The following PTDSS2 variants were observed in gnomAD, a reference collection of about 807,000 sequenced individuals.
PTDSS2 encodes PSS-2.
In PTDSS2, 41 loss-of-function variants were observed where a neutral mutation model predicts 64.7. The observed-to-expected ratio is 0.63, with a 90% CI of 0.49 to 0.82. The LOEUF (loss-of-function observed/expected upper bound fraction) is 0.82, where lower values mean the gene tolerates loss of function less well. Ranked by LOEUF, PTDSS2 falls within the 40% of genes least tolerant of loss-of-function variation. The probability of loss-of-function intolerance (pLI) is 0.00; values close to 1 mark genes in which losing one functional copy is unlikely to be tolerated. For synonymous variants in PTDSS2, 297 were observed against 277.8 expected, an observed-to-expected ratio of 1.07 and a Z score of -0.69; for missense variants, 485 against 650.0, an observed-to-expected ratio of 0.75 and a Z score of 2.76.
intron 2 of PTDSS2, among the ~76,000 whole-genome samples, chr11:464,225 C>T (rs1260703384): frequency 6.6e-5 from 10 of 152,118 alleles, no homozygotes; most frequent in Admixed American, 6.5e-4. Context: ...ACAGACAGTA[C>T]ACCCGCCTCA....
At chr11:475,274 AC>A (rs1847725628) in intron 3 of PTDSS2, among the ~76,000 whole-genome samples, 1 of 124,686 alleles carries the variant, frequency 8.0e-6, no homozygotes, top group African/African-American at 2.6e-5. Flanking sequence ...CGTTTGTGAT[AC>A]GGCCATATTC....
chr11:474,663 G>T (rs1045570409), intron 3 of PTDSS2, among the ~76,000 whole-genome samples: 1 of 152,226 alleles, frequency 6.6e-6, no homozygotes, highest in Non-Finnish European at 1.5e-5. Context: ...AGGAAGGCGG[G>T]CTCAGGCTTC....
intron 1 of PTDSS2, among the ~76,000 whole-genome samples, chr11:456,548 G>GT (rs1229869922): frequency 6.6e-6 from 1 of 152,030 alleles, no homozygotes; most frequent in Admixed American, 6.5e-5. Flanking sequence ...GATGTCACCT[G>GT]TATGGAGGAA....
chr11:481,276 T>C (rs906796571), intron 4 of PTDSS2, among the ~76,000 whole-genome samples: 2 of 152,132 alleles, frequency 1.3e-5, no homozygotes, highest in African/African-American at 4.8e-5. Context: ...ACATTTGCAA[T>C]TGGGAAGTGT....
Position 462,197 on chromosome 11 carries a change from T to C in PTDSS2, c.284+1909T>C, listed in dbSNP as rs1342426228. Among the ~76,000 whole-genome samples the C allele has an allele frequency of 2.0e-5, 3 of 152,078 alleles. No individual in the cohort carries two copies. The highest frequency in any genetic ancestry group is 4.4e-5 in the Non-Finnish European group (3 of 67,980). Reference sequence around the variant, plus strand: ...CCTGCCCTCCCAGGCCTGGTTCCTATGGGAAGCACTAGGTGACCCAGACCC... The same window carrying C: ...CCTGCCCTCCCAGGCCTGGTTCCTACGGGAAGCACTAGGTGACCCAGACCC... On this transcript the variant is annotated intron_variant, in intron 2 of 11. Transcript: ENST00000308020. This position sits in a 1 kb window ranked among gnomAD's most constrained non-coding sequence, Gnocchi z 4.5.
At chr11:489,794 G>T in intron 10 of PTDSS2, 61 bp downstream of exon 10, 5 of 1,571,454 alleles carry the variant, frequency 3.2e-6, no homozygotes, top group African/African-American at 1.3e-5. Flanking sequence ...GAGGGCTGGG[G>T]AGCAGAGCCT....
intron 2 of PTDSS2, among the ~76,000 whole-genome samples, chr11:471,587 GTGACACGGATGGTGGCCTGGGA>G (rs1847436233): frequency 2.6e-5 from 4 of 151,506 alleles, no homozygotes; most frequent in South Asian, 2.1e-4. Flanking sequence ...GCGGCCTGGG[GTGACACGGATGGTGGCCTGGGA>G]TGACACGCGC....
Position 490,772 on chromosome 11 carries a change from G to A in PTDSS2, c.*190G>A, listed in dbSNP as rs991838171. On this transcript the variant is annotated 3_prime_UTR_variant, in exon 12 of 12. Transcript: ENST00000308020. ...CACAGCCTCATCTCCATGTGTACAC[G>A]TGTGTACGTGTGTATGCGTGTGTGT... 3.3e-5 allele frequency: 20 copies of A among 607,338 alleles called. No homozygotes were observed. The highest frequency in any genetic ancestry group is 2.1e-4 in the African/African-American group (11 of 52,944). The allele number at this position is 607,338 out of a possible 1,614,324, so 37.6% of individuals were successfully genotyped here.
At position 469,378 on chromosome 11, in the gene PTDSS2, C is replaced by T. The variant is rs867244302; in HGVS notation, c.285-4517C>T. 1.1e-3 allele frequency among the ~76,000 whole-genome samples: 86 copies of T among 76,448 alleles called. 2 individuals carry two copies. Among genetic ancestry groups the T allele is most frequent in the African/African-American group, 5.1e-3 (73 of 14,244 alleles). 50.2% of individuals were successfully genotyped at this position (76,448 alleles called of 152,430 possible). On this transcript the variant is annotated intron_variant, in intron 2 of 11. Transcript: ENST00000308020. ...AGGAGGAGGGGAGTCTCTGGGTAAT[C>T]GGAGGGAGGAGGAGGGGAGTCTCCG...
intron 1 of PTDSS2, among the ~76,000 whole-genome samples, chr11:456,751 G>A (rs901490943): frequency 6.6e-5 from 10 of 152,204 alleles, no homozygotes; most frequent in Non-Finnish European, 1.0e-4. Flanking sequence ...GCCTTCTGAC[G>A]TGGGTTCTCT....
chr11:468,011 A>T (rs1847219746), intron 2 of PTDSS2, among the ~76,000 whole-genome samples: 1 of 152,102 alleles, frequency 6.6e-6, no homozygotes, highest in South Asian at 2.1e-4. Flanking sequence ...CAGCACACAC[A>T]CATGGTCCCA....
chr11:450,505 C>A lies in PTDSS2; in HGVS notation c.50C>A (p.Pro17Gln). The A allele has an allele frequency of 8.1e-7, 1 of 1,238,466 alleles. No individual in the cohort carries two copies. The highest frequency in any genetic ancestry group is 1.6e-5 in the African/African-American group (1 of 64,232). The allele number at this position is 1,238,466 out of a possible 1,614,324, so 76.7% of individuals were successfully genotyped here. ...RDAGGPRPES[P>Q]VPAGRASLEE... ...GCCGGAGGTCCGCGGCCCGAGTCCC[C>A]GGTGCCCGCGGGCAGGGCCTCGCTG... Residue 17 changes from proline (P) to glutamine (Q), a missense_variant, in exon 1 of 12, where the codon CCG (proline) becomes CAG (glutamine). Physicochemically the swap from Pro to Gln is moderately conservative, Grantham distance 76. Around this residue, in one of 3 missense-constraint regions of PTDSS2, gnomAD observed 251 missense variants for 348.0 expected, o/e 0.72. Coordinates refer to ENST00000308020, the MANE Select transcript of PTDSS2 (RefSeq NM_030783.3).
In PTDSS2 at chr11:475,677, A is replaced by C. The variant is rs553852557; in HGVS notation, c.367+1700A>C. Among the ~76,000 whole-genome samples, 8 of 152,222 alleles carry C rather than the reference A, an allele frequency of 5.3e-5. No individual in the cohort carries two copies. The South Asian group carries it at 1.7e-3, about 32-fold the overall frequency. ...CAACGACTTTAGTCATTTCCTTACT[A>C]ATTTTTAAAATGACTTTAATCATTT... On this transcript the variant is annotated intron_variant, in intron 3 of 11. Transcript: ENST00000308020.
chr11:485,176 C>A (rs1235348157), intron 4 of PTDSS2, among the ~76,000 whole-genome samples: 1 of 130,906 alleles, frequency 7.6e-6, no homozygotes, highest in Non-Finnish European at 1.6e-5. Context: ...GTGCTCACTG[C>A]GCAGGCGAGT....
chr11:449,599 AATC>A (rs1846229374), upstream of PTDSS2, among the ~76,000 whole-genome samples: 2 of 152,200 alleles, frequency 1.3e-5, no homozygotes, highest in African/African-American at 4.8e-5. Flanking sequence ...GGTCAACTAA[AATC>A]AGCGTGTCCG....
At chr11:485,467 G>C (rs1848307516) in intron 4 of PTDSS2, among the ~76,000 whole-genome samples, 2 of 149,306 alleles carry the variant, frequency 1.3e-5, no homozygotes, top group Non-Finnish European at 1.5e-5. Flanking sequence ...AACAGTGCAC[G>C]GGTGTGTGTG....
rs11600323 is a variant in PTDSS2, at chr11:488,639, G to A, written c.846G>A (p.Pro282=). 26 of 1,611,220 alleles carry A rather than the reference G, an allele frequency of 1.6e-5. 1 individual carries two copies. The highest frequency in any genetic ancestry group is 1.3e-4 in the Admixed American group (8 of 59,982). ...TYKWQGLWNI[P]TYKGKMKRIA... ...AGTGGCAGGGCCTCTGGAACATTCC[G>A]ACCTACAAGTACGTCGTGGGGGCTG... The change falls in exon 8 of 12, where the codon CCG becomes CCA. Residue 282 remains proline, a synonymous_variant. Transcript: ENST00000308020.
rs1270036417 is a variant in PTDSS2, at chr11:491,204, C to T, written c.*622C>T. On this transcript the variant is annotated 3_prime_UTR_variant, in exon 12 of 12. Transcript: ENST00000308020. ...CGATGCTGAGCCACCTCCTCCGAGC[C>T]TTCCTTTCACACAGACCACCCCGGA... 6.5e-6 allele frequency: 1 copy of T among 154,332 alleles called. No individual in the cohort carries two copies. Among genetic ancestry groups the T allele is most frequent in the African/African-American group, 2.4e-5 (1 of 41,478 alleles). The allele number at this position is 154,332 out of a possible 1,614,324, so 9.6% of individuals were successfully genotyped here. A position where few individuals can be genotyped will look rare whatever the true frequency, so the allele number is the denominator to read the frequency against.
chr11:482,583 G>A (rs1201798374), intron 4 of PTDSS2, among the ~76,000 whole-genome samples: 2 of 152,186 alleles, frequency 1.3e-5, no homozygotes, highest in African/African-American at 4.8e-5. Context: ...CAAAGTGCTG[G>A]GAGTATAAGC....
Sources: allele counts gnomAD v4.1 joint callset (sites outside exome capture counted in the v4.1 genomes callset), GRCh38; gene constraint gnomAD v4.1.1; regional missense constraint gnomAD v4.1.1; non-coding constraint Gnocchi (gnomAD v3.1); transcripts MANE v1.5; gene names NCBI Gene and HGNC (gene_info 2026-07-23, HGNC 2026-07-21).